The following MDFIC2 variants were observed in gnomAD, a reference collection of about 807,000 sequenced individuals.
MDFIC2 encodes MyoD family inhibitor domain containing 2, also known as myoD family inhibitor domain-containing protein 2.
intron 2 of MDFIC2, among the ~76,000 whole-genome samples, chr3:70,266,308 G>T (rs141245773): frequency 6.6e-6 from 1 of 152,090 alleles, no homozygotes; most frequent in East Asian, 1.9e-4. Flanking sequence ...AATTCATATA[G>T]CTCAACACTG....
rs751382555 is a variant in MDFIC2 at position 70,277,456 on chromosome 3, T to C, written c.88+34430A>G. 5.9e-5 allele frequency among the ~76,000 whole-genome samples: 9 copies of C among 152,296 alleles called. No homozygotes were observed. In the South Asian group the frequency reaches 1.0e-3, roughly 18 times the overall value. ...AGGTATGAAGGCTTTTTAGACACTATAATGACGGCTCTTGATTCACTTGAT... is the reference window on the plus strand; with the variant it reads ...AGGTATGAAGGCTTTTTAGACACTACAATGACGGCTCTTGATTCACTTGAT... On this transcript the variant is annotated intron_variant, in intron 2 of 3. Transcript: ENST00000567252.
intron 2 of MDFIC2, among the ~76,000 whole-genome samples, chr3:70,239,390 C>T (rs2106640334): frequency 1.3e-5 from 2 of 152,274 alleles, no homozygotes; most frequent in Non-Finnish European, 2.9e-5. Context: ...CGCTTCTCCA[C>T]CATTCAGGAT....
At chr3:70,213,377 G>A (rs1330157782) in intron 2 of MDFIC2, among the ~76,000 whole-genome samples, 4 of 152,066 alleles carry the variant, frequency 2.6e-5, no homozygotes, top group South Asian at 2.1e-4. Context: ...TTTAAGGTAG[G>A]GTGATTTTAA....
chr3:70,223,154 C>G (rs567016294), intron 2 of MDFIC2, among the ~76,000 whole-genome samples: 1 of 152,166 alleles, frequency 6.6e-6, no homozygotes, highest in Non-Finnish European at 1.5e-5. Context: ...CTACTCTTTA[C>G]GTCTATTTGT....
At chr3:70,256,720 C>A (rs4974264) in intron 2 of MDFIC2, among the ~76,000 whole-genome samples, 1 of 152,196 alleles carries the variant, frequency 6.6e-6, no homozygotes, top group Non-Finnish European at 1.5e-5. Context: ...GATGGCATTA[C>A]TGGCCTTCTA....
chr3:70,290,640 C>T (rs1337766549), intron 2 of MDFIC2, among the ~76,000 whole-genome samples: 1 of 152,206 alleles, frequency 6.6e-6, no homozygotes, highest in Non-Finnish European at 1.5e-5. Context: ...TGGGCAATGG[C>T]GGGCGCCCCT....
At chr3:70,200,697 G>T (rs959414556) in intron 3 of MDFIC2, among the ~76,000 whole-genome samples, 1 of 152,156 alleles carries the variant, frequency 6.6e-6, no homozygotes, top group African/African-American at 2.4e-5. Context: ...GTTGCAAGAG[G>T]CAAGAAAGCC....
intron 2 of MDFIC2, among the ~76,000 whole-genome samples, chr3:70,245,698 T>TATAC (rs1701700603): frequency 7.2e-6 from 1 of 138,212 alleles, no homozygotes; most frequent in African/African-American, 2.6e-5. Context: ...TATATATATA[T>TATAC]ATATATATAT....
At chr3:70,251,491 C>A (rs1303394633) in intron 2 of MDFIC2, among the ~76,000 whole-genome samples, 1 of 152,108 alleles carries the variant, frequency 6.6e-6, no homozygotes. Context: ...TACACTTTTT[C>A]ATTCCCTTAA....
intron 3 of MDFIC2, chr3:70,204,969 G>T (rs1482051078): frequency 2.0e-5 from 3 of 151,940 alleles, no homozygotes; most frequent in Non-Finnish European, 4.4e-5. Flanking sequence ...TTTTGTAGAG[G>T]CCTCTCTGCC....
chr3:70,264,696 G>C (rs1701899375), intron 2 of MDFIC2, among the ~76,000 whole-genome samples: 2 of 152,328 alleles, frequency 1.3e-5, no homozygotes, highest in African/African-American at 4.8e-5. Context: ...GAACATGGCA[G>C]ATGCAGTCCC....
intron 3 of MDFIC2, among the ~76,000 whole-genome samples, chr3:70,200,944 C>T (rs1250350937): frequency 2.0e-5 from 3 of 151,322 alleles, no homozygotes; most frequent in Non-Finnish European, 2.9e-5. Flanking sequence ...AGCCAATCTA[C>T]AGCCCTCTAT....
At chr3:70,273,893 C>T (rs11920701) in intron 2 of MDFIC2, among the ~76,000 whole-genome samples, 76,956 of 151,936 alleles carry the variant, frequency 0.51, 19,847 homozygotes, top group Middle Eastern at 0.59. Context: ...GACTTGAACT[C>T]CTAGGCTCAA....
intron 2 of MDFIC2, among the ~76,000 whole-genome samples, chr3:70,292,343 C>G (rs1044577031): frequency 1.3e-5 from 2 of 152,102 alleles, no homozygotes; most frequent in African/African-American, 2.4e-5. Context: ...AGAGCCATTA[C>G]TATACATATC....
At chr3:70,289,289 T>A (rs1490563262) in intron 2 of MDFIC2, among the ~76,000 whole-genome samples, 6 of 149,944 alleles carry the variant, frequency 4.0e-5, no homozygotes, top group African/African-American at 7.3e-5. Context: ...TGCTTGTCTG[T>A]AAAGTATTTT....
chr3:70,247,312 T>C lies in MDFIC2; in HGVS notation c.89-40522A>G, dbSNP rs576809547. 2.6e-5 allele frequency among the ~76,000 whole-genome samples: 4 copies of C among 152,130 alleles called. No individual in the cohort carries two copies. The East Asian group carries it at 7.7e-4, about 29-fold the overall frequency. On this transcript the variant is annotated intron_variant, in intron 2 of 3. Transcript: ENST00000567252. ...ATCAGTAAGTTATAGGCTGTGTTTC[T>C]CTGGCAGTATTTCTTACAAGGATGA...
intron 2 of MDFIC2, among the ~76,000 whole-genome samples, chr3:70,282,117 G>A (rs746048572): frequency 1.3e-5 from 2 of 152,040 alleles, no homozygotes; most frequent in Non-Finnish European, 2.9e-5. Context: ...TGTTTCAGCT[G>A]GGGAAATGGG....
intron 2 of MDFIC2, among the ~76,000 whole-genome samples, chr3:70,273,097 G>A (rs1449920767): frequency 6.6e-6 from 1 of 152,160 alleles, no homozygotes; most frequent in East Asian, 1.9e-4. Flanking sequence ...TTTTGTCTGG[G>A]AAAGGCTGCC....
chr3:70,261,776 T>A (rs1701868527), intron 2 of MDFIC2, among the ~76,000 whole-genome samples: 1 of 152,106 alleles, frequency 6.6e-6, no homozygotes, highest in Non-Finnish European at 1.5e-5. Flanking sequence ...TAACCTCAAA[T>A]AGCATTTGAA....
Sources: allele counts gnomAD v4.1 joint callset (sites outside exome capture counted in the v4.1 genomes callset), GRCh38; gene constraint gnomAD v4.1.1; transcripts MANE v1.5; gene names NCBI Gene and HGNC (gene_info 2026-07-23, HGNC 2026-07-21).